IPO4: variants seen among roughly 807,000 people sequenced by gnomAD.
IPO4 encodes importin 4.
Under a neutral mutation model 133.5 loss-of-function variants are expected in IPO4, and 91 were observed. The observed-to-expected ratio is 0.68, with a 90% CI of 0.58 to 0.81. The LOEUF (loss-of-function observed/expected upper bound fraction) is 0.81, where lower values mean the gene tolerates loss of function less well. Among genes scored for constraint, IPO4 ranks in the 30% least tolerant of loss-of-function variants. IPO4 has a pLI of 0.00. For missense variants in IPO4, 1,279 were observed against 1,386.2 expected (o/e 0.92, Z 1.23); for synonymous variants, 607 against 581.6 (o/e 1.04, Z -0.63).
Position 24,186,315 on chromosome 14 carries a change from C to G in IPO4, c.977G>C (p.Gly326Ala). ...EEEELEIELMGETPKHFAVQV... is the reference protein window; with the variant it reads ...EEEELEIELMAETPKHFAVQV... ...TACAGCGAAATGCTTGGGAGTCTCC[C>G]CCATCAGCTCAATCTCCAACTCTTC... The change falls in exon 10 of 30, where the codon GGG becomes GCG. Residue 326 changes from glycine (G) to alanine (A), a missense_variant. This residue lies in a region of IPO4 where 695 missense variants were observed against 704.1 expected (regional missense o/e 0.99). Coordinates refer to ENST00000354464, the MANE Select transcript of IPO4 (RefSeq NM_024658.4). 6.2e-7 allele frequency: 1 copy of G among 1,610,232 alleles called. No homozygotes were observed. Among genetic ancestry groups the G allele is most frequent in the Non-Finnish European group, 8.5e-7 (1 of 1,177,652 alleles).
Position 24,184,015 on chromosome 14 carries a change from A to T in IPO4, c.1852T>A (p.Ser618Thr), listed in dbSNP as rs2039181690. ...TTGCTCACCACAATGCCCTCGGTGG[A>T]ACGCAGTGACAGCAGCATGAGCGTG... is the stretch of plus-strand genomic sequence containing the variant. ...ITTLMLLSLRSTEGIVPQYDG... is the reference protein window; with the variant it reads ...ITTLMLLSLRTTEGIVPQYDG... Residue 618 changes from serine (S) to threonine (T), a missense_variant, in exon 18 of 30, where the codon TCC (serine) becomes ACC (threonine). This residue lies in a region of IPO4 where 575 missense variants were observed against 653.4 expected (regional missense o/e 0.88). Transcript: ENST00000354464. The T allele has an allele frequency of 1.6e-6, 2 of 1,226,316 alleles. No individual in the cohort carries two copies. The highest frequency in any genetic ancestry group is 4.5e-5 in the Admixed American group (2 of 44,310). The allele number at this position is 1,226,316 out of a possible 1,614,324, so 76.0% of individuals were successfully genotyped here.
At position 24,187,457 on chromosome 14, in the gene IPO4, G is replaced by C. The variant is rs76635618; in HGVS notation, c.531C>G (p.Leu177=). 1.2e-6 allele frequency: 2 copies of C among 1,614,198 alleles called. No individual in the cohort carries two copies. Among genetic ancestry groups the C allele is most frequent in the Admixed American group, 3.3e-5 (2 of 60,022 alleles). Residue 177 remains leucine (L), a synonymous_variant, in exon 6 of 30, where the codon CTC becomes CTG. Transcript: ENST00000354464. ...TLGEVGSPGL[L]FYSLRTLTTM... Reference sequence around the variant, plus strand: ...TGGTCAGAGTGCGCAGGGAGTAGAAGAGCAGCCCAGGAGAGCCCACCTCAC... The same window carrying C: ...TGGTCAGAGTGCGCAGGGAGTAGAACAGCAGCCCAGGAGAGCCCACCTCAC...
chr14:24,186,757 C>T lies in IPO4; in HGVS notation c.791G>A (p.Arg264His), dbSNP rs1226638876. Residue 264 changes from arginine (R) to histidine (H), a missense_variant, in exon 9 of 30, where the codon CGC becomes CAC. Arg to His is a conservative substitution (Grantham distance 29). This residue lies in a region of IPO4 where 695 missense variants were observed against 704.1 expected (regional missense o/e 0.99). Coordinates refer to ENST00000354464, the MANE Select transcript of IPO4 (RefSeq NM_024658.4). ...ARNVALGNAI[R>H]IRILCCLTFL... ...AGTGAGGCAGCAGAGAATACGTATG[C>T]GTATCGCATTGCCCAGGGCCACATT... The T allele has an allele frequency of 7.4e-6, 12 of 1,614,038 alleles. No homozygotes were observed. The highest frequency in any genetic ancestry group is 4.5e-5 in the East Asian group (2 of 44,894).
chr14:24,186,125 T>G lies in IPO4; in HGVS notation c.1059+4A>C. 1 of 1,612,658 alleles carries G rather than the reference T, an allele frequency of 6.2e-7. No individual in the cohort carries two copies. The highest frequency in any genetic ancestry group is 1.1e-5 in the South Asian group (1 of 91,026). On this transcript the variant is annotated splice_donor_region_variant and intron_variant, in intron 11 of 29. Transcript: ENST00000354464. The stretch of plus-strand genomic sequence containing the variant: ...GGACACCAGAAGGACAGAGCCACAC[T>G]TACCAGCTGGGGACAGAGCTTCTCG...
rs1245012648 is a variant in IPO4, at chr14:24,186,764, C to A, written c.784G>T (p.Ala262Ser). The change falls in exon 9 of 30, where the codon GCG becomes TCG. Residue 262 changes from alanine (A) to serine (S), a missense_variant. Transcript: ENST00000354464. The stretch of plus-strand genomic sequence containing the variant: ...CAGCAGAGAATACGTATGCGTATCG[C>A]ATTGCCCAGGGCCACATTTCTAGCT... The part of the protein sequence containing the change: ...EVARNVALGN[A>S]IRIRILCCLT... 1 of 1,614,200 alleles carries A rather than the reference C, an allele frequency of 6.2e-7. No homozygotes were observed. The highest frequency in any genetic ancestry group is 8.5e-7 in the Non-Finnish European group (1 of 1,180,020).
At chr14:24,180,798 G>A in intron 28 of IPO4, 40 bp from the exon 29 acceptor site, 1 of 1,594,782 alleles carries the variant, frequency 6.3e-7, no homozygotes, top group African/African-American at 1.3e-5. Context: ...AGCAGCCCCA[G>A]ACCCCAGGTC....
In IPO4 at chr14:24,182,044, G is replaced by A. The variant is rs1186500038; in HGVS notation, c.2718C>T (p.Ser906=). 6 of 1,613,590 alleles carry A rather than the reference G, an allele frequency of 3.7e-6. No homozygotes were observed. In the South Asian group the frequency reaches 6.6e-5, roughly 18 times the overall value. Residue 906 remains serine (S), a synonymous_variant, in exon 26 of 30, where the codon AGC becomes AGT. Coordinates refer to ENST00000354464, the MANE Select transcript of IPO4 (RefSeq NM_024658.4). Reference sequence around the variant, plus strand: ...CCTCGGGGTCTGCCTCTTGGGCGGTGCTCAACAGCACAGGGAGCAGCCGAG... The same window carrying A: ...CCTCGGGGTCTGCCTCTTGGGCGGTACTCAACAGCACAGGGAGCAGCCGAG... ...FVSRLLPVLL[S]TAQEADPEVR... is the part of the protein sequence containing the mutation.
rs199621067 is a variant in IPO4 at position 24,187,526 on chromosome 14, T to C, written c.462A>G (p.Gln154=). Residue 154 remains glutamine, a synonymous_variant, in exon 6 of 30, where the codon CAA becomes CAG. Transcript: ENST00000354464. ...GCCGAAGAAGCTCCCGGTGGTGGGGTTGGAAGGCCTCGGGCCGGGAGGTCA... is the reference window on the plus strand; with the variant it reads ...GCCGAAGAAGCTCCCGGTGGTGGGGCTGGAAGGCCTCGGGCCGGGAGGTCA... The part of the protein sequence containing the change: ...VVVTSRPEAF[Q]PHHRELLRLL... 4 of 1,613,748 alleles carry C rather than the reference T, an allele frequency of 2.5e-6. No individual in the cohort carries two copies. The highest frequency in any genetic ancestry group is 2.5e-6 in the Non-Finnish European group (3 of 1,179,950).
chr14:24,188,133 C>A, intron 4 of IPO4, 83 bp downstream of exon 4: 3 of 1,426,502 alleles, frequency 2.1e-6, no homozygotes, highest in Non-Finnish European at 2.9e-6. Flanking sequence ...CCCTGCCCCA[C>A]AAGTCCCAGC....
In IPO4 at chr14:24,183,888, T is replaced by G. The variant is rs766753701; in HGVS notation, c.1880A>C (p.Asp627Ala). ...AAACAGAAGGAAGGAGCTGCTCCCG[T>G]CATACTGAGGCTGGAGCGGAGGCAC... is the stretch of plus-strand genomic sequence containing the variant. ...RSTEGIVPQY[D>A]GSSSFLLFDD... The change falls in exon 19 of 30, where the codon GAC becomes GCC. Residue 627 changes from aspartate (D) to alanine (A), a missense_variant. Coordinates refer to ENST00000354464, the MANE Select transcript of IPO4 (RefSeq NM_024658.4). The G allele has an allele frequency of 1.2e-6, 2 of 1,613,998 alleles. No homozygotes were observed. Among genetic ancestry groups the G allele is most frequent in the Non-Finnish European group, 8.5e-7 (1 of 1,180,014 alleles).
rs754700545 is a variant in IPO4 at position 24,180,483 on chromosome 14, C to G, written c.3205G>C (p.Asp1069His). Residue 1069 changes from aspartate (D) to histidine (H), a missense_variant, in exon 30 of 30, where the codon GAC (aspartate) becomes CAC (histidine). This residue lies in a region of IPO4 where 575 missense variants were observed against 653.4 expected (regional missense o/e 0.88). Coordinates refer to ENST00000354464, the MANE Select transcript of IPO4 (RefSeq NM_024658.4). ...ACAGCCTGGAGCTCCTGAGCCTTGTCAACAGGCAGTGAGCCCAGAGCTGCT... is the reference window on the plus strand; with the variant it reads ...ACAGCCTGGAGCTCCTGAGCCTTGTGAACAGGCAGTGAGCCCAGAGCTGCT... ...FQAALGSLPV[D>H]KAQELQAVLG... 8 of 1,613,612 alleles carry G rather than the reference C, an allele frequency of 5.0e-6. No homozygotes were observed. In the African/African-American group the frequency reaches 8.0e-5, roughly 16 times the overall value.
chr14:24,182,097 G>A lies in IPO4; in HGVS notation c.2665C>T (p.Leu889=). ...ACAAACTGGGCTGAGGCAGCACCCA[G>A]GCCCTGAATAGTCTCTGCCAAGGTC... ...VGTLAETIQG[L]GAASAQFVSR... is the part of the protein sequence containing the mutation. Residue 889 remains leucine (L), a synonymous_variant, in exon 26 of 30, where the codon CTG becomes TTG. Coordinates refer to ENST00000354464, the MANE Select transcript of IPO4 (RefSeq NM_024658.4). 2 of 1,614,050 alleles carry A rather than the reference G, an allele frequency of 1.2e-6. No individual in the cohort carries two copies. The highest frequency in any genetic ancestry group is 1.7e-6 in the Non-Finnish European group (2 of 1,180,030).
intron 28 of IPO4, 53 bp from the exon 29 acceptor site, chr14:24,180,811 G>A: frequency 1.3e-6 from 2 of 1,562,890 alleles, no homozygotes; most frequent in Non-Finnish European, 1.7e-6. Context: ...CCCAGGTCTA[G>A]GAGGGTGGTC....
rs2039139585 is a variant in IPO4 at position 24,181,723 on chromosome 14, T to C, written c.2928A>G (p.Lys976=). 6.2e-7 allele frequency: 1 copy of C among 1,602,728 alleles called. No homozygotes were observed. The highest frequency in any genetic ancestry group is 1.1e-5 in the South Asian group (1 of 89,592). Residue 976 remains lysine (K), a synonymous_variant, in exon 27 of 30, where the codon AAA becomes AAG. Transcript: ENST00000354464. The stretch of plus-strand genomic sequence containing the variant: ...CTCCCTCCCTCACCTGGGGCTCTGG[T>C]TTCCTGGTGGGACTGGCCATCAACA... ...ARLLMASPTR[K]PEPQVLAALL...
chr14:24,183,985 A>AC lies in IPO4; in HGVS notation c.1869+12dup. The AC allele has an allele frequency of 3.9e-6, 1 of 253,806 alleles. No individual in the cohort carries two copies. Among genetic ancestry groups the AC allele is most frequent in the Admixed American group, 4.8e-5 (1 of 21,020 alleles). 15.7% of individuals were successfully genotyped at this position (253,806 alleles called of 1,614,324 possible). ...AGGGCAGGCCTGGCCCAGCCCACCC[A>AC]CCCTTTGCTCACCACAATGCCCTCG... On this transcript the variant is annotated intron_variant, in intron 18 of 29. Coordinates refer to ENST00000354464, the MANE Select transcript of IPO4 (RefSeq NM_024658.4).
chr14:24,185,116 A>G (rs2039200337), intron 14 of IPO4, 67 bp downstream of exon 14: 2 of 1,604,992 alleles, frequency 1.2e-6, no homozygotes, highest in Non-Finnish European at 1.7e-6. Flanking sequence ...GGAGATGCAC[A>G]TCCTGTACAT....
Position 24,187,483 on chromosome 14 carries a change from C to T in IPO4, c.505G>A (p.Gly169Ser). The change falls in exon 6 of 30, where the codon GGT becomes AGT. Residue 169 changes from glycine to serine, a missense_variant. Coordinates refer to ENST00000354464, the MANE Select transcript of IPO4 (RefSeq NM_024658.4). ...AGCAGCCCAGGAGAGCCCACCTCAC[C>T]AAGAGTCTCATTCAGAAGCCGAAGA... ...ELLRLLNETLGEVGSPGLLFY... is the reference protein window; with the variant it reads ...ELLRLLNETLSEVGSPGLLFY... 6.2e-7 allele frequency: 1 copy of T among 1,614,096 alleles called. No homozygotes were observed. Among genetic ancestry groups the T allele is most frequent in the Non-Finnish European group, 8.5e-7 (1 of 1,180,010 alleles).
rs1361733570 is a variant in IPO4, at chr14:24,183,917, A to C, written c.1870-19T>G. On this transcript the variant is annotated intron_variant, in intron 18 of 29. Transcript: ENST00000354464. The stretch of plus-strand genomic sequence containing the variant: ...ACTGAGGCTGGAGCGGAGGCACGGC[A>C]AGGACTTTGGCTCAGCTGGGCCCAG... 1.2e-6 allele frequency: 2 copies of C among 1,613,942 alleles called. No homozygotes were observed. Among genetic ancestry groups the C allele is most frequent in the East Asian group, 2.2e-5 (1 of 44,870 alleles).
Position 24,184,857 on chromosome 14 carries a change from C to G in IPO4, c.1522+10G>C. The G allele has an allele frequency of 6.2e-7, 1 of 1,613,092 alleles. No individual in the cohort carries two copies. Among genetic ancestry groups the G allele is most frequent in the Non-Finnish European group, 8.5e-7 (1 of 1,179,236 alleles). ...AACCCCACATCCCTGCCTCCTGCCT[C>G]TCTCCTCACCAATGGCTCCCAGGGC... On this transcript the variant is annotated intron_variant, in intron 15 of 29. Coordinates refer to ENST00000354464, the MANE Select transcript of IPO4 (RefSeq NM_024658.4).
Sources: gnomAD v4.1 joint callset for allele counts on GRCh38, gnomAD v4.1.1 for gene constraint, gnomAD v4.1.1 regional missense constraint, MANE v1.5 for transcripts, NCBI Gene and HGNC (gene_info 2026-07-23, HGNC 2026-07-21) for gene names.